Variants in FGF14 observed in about 807,000 individuals in gnomAD.
The protein encoded by FGF14 is fibroblast growth factor homologous factor 4.
In FGF14, 5 loss-of-function variants were observed where a neutral mutation model predicts 25.5. The observed-to-expected ratio is 0.20, with a 90% CI of 0.10 to 0.41. The LOEUF is 0.41. FGF14 is among the 10% of genes least tolerant of loss of function. The pLI, the probability that FGF14 is intolerant of heterozygous loss-of-function variation, is 1.00. For missense variants in FGF14, 222 were observed against 320.1 expected (o/e 0.69, Z 2.34); for synonymous variants, 138 against 118.3 (o/e 1.17, Z -1.08).
intron 3 of FGF14, among the ~76,000 whole-genome samples, chr13:101,860,118 T>C (rs1342609434): frequency 6.6e-6 from 1 of 152,092 alleles, no homozygotes; most frequent in Non-Finnish European, 1.5e-5. Context: ...GAGCTTTACG[T>C]GGTGCAGACT....
chr13:101,872,258 G>T (rs115888917), intron 2 of FGF14, among the ~76,000 whole-genome samples: 5,247 of 150,408 alleles, frequency 0.035, 327 homozygotes, highest in African/African-American at 0.12. Flanking sequence ...CATAAAAAAT[G>T]GAAACATGTT....
chr13:102,365,376 C>T (rs926828281), intron 1 of FGF14, among the ~76,000 whole-genome samples: 2 of 152,038 alleles, frequency 1.3e-5, no homozygotes, highest in African/African-American at 4.8e-5. Context: ...GCTTTATCCT[C>T]GACTAACTAT....
At chr13:102,322,526 A>G (rs2056283982) in intron 1 of FGF14, among the ~76,000 whole-genome samples, 1 of 152,134 alleles carries the variant, frequency 6.6e-6, no homozygotes, top group Admixed American at 6.6e-5. Flanking sequence ...GACTCCTAAG[A>G]TGCACATAAT....
In FGF14 at chr13:101,735,329, A is replaced by T. The variant is rs552591402; in HGVS notation, c.409-8519T>A. ...AATCACTCATTCAACTAGACATAGAAAATATGTATTTTATGCTGCTGATTT... is the reference window on the plus strand; with the variant it reads ...AATCACTCATTCAACTAGACATAGATAATATGTATTTTATGCTGCTGATTT... On this transcript the variant is annotated intron_variant, in intron 3 of 4. Transcript: ENST00000376143. 2.0e-5 allele frequency among the ~76,000 whole-genome samples: 3 copies of T among 152,282 alleles called. No individual in the cohort carries two copies. The South Asian group carries it at 6.2e-4, about 32-fold the overall frequency.
intron 1 of FGF14, among the ~76,000 whole-genome samples, chr13:102,248,485 A>G (rs1452571306): frequency 6.6e-6 from 1 of 152,106 alleles, no homozygotes; most frequent in Non-Finnish European, 1.5e-5. Flanking sequence ...TTCCAGTAAG[A>G]GCAGAGGGGT....
At chr13:102,087,403 ATTTCTTT>A (rs1249874898) in intron 1 of FGF14, among the ~76,000 whole-genome samples, 11 of 80,522 alleles carry the variant, frequency 1.4e-4, no homozygotes, top group African/African-American at 4.9e-4. Flanking sequence ...ATAGACTGTA[ATTTCTTT>A]TTTTTTTTTT....
At chr13:102,233,652 A>T (rs1264890269) in intron 1 of FGF14, among the ~76,000 whole-genome samples, 1 of 151,866 alleles carries the variant, frequency 6.6e-6, no homozygotes, top group Non-Finnish European at 1.5e-5. Context: ...GAAACACGTG[A>T]CTCCCCATAG....
At chr13:101,820,991 A>G (rs1480637473) in intron 3 of FGF14, among the ~76,000 whole-genome samples, 1 of 145,316 alleles carries the variant, frequency 6.9e-6, no homozygotes, top group African/African-American at 2.5e-5. Context: ...GCTGTCGCCC[A>G]GGCTGGAGTG....
rs1228022005 is a variant in FGF14 at position 101,875,235 on chromosome 13, C to A, written c.255G>T (p.Met85Ile). Reference protein sequence around the residue: ...LYCRQGYYLQMHPDGALDGTK... With the variant: ...LYCRQGYYLQIHPDGALDGTK... ...TTCCATCGAGAGCTCCATCGGGGTG[C>A]ATTTGCAAGTAGTAGCCTTGCCTGC... Residue 85 changes from methionine (M) to isoleucine (I), a missense_variant, in exon 2 of 5, where the codon ATG (methionine) becomes ATT (isoleucine). This residue lies in a region of FGF14 where 50 missense variants were observed against 75.2 expected (regional missense o/e 0.66). Transcript: ENST00000376143. 1.9e-6 allele frequency: 3 copies of A among 1,613,480 alleles called. No homozygotes were observed. The East Asian group carries it at 6.7e-5, about 36-fold the overall frequency.
At chr13:102,238,291 C>A (rs1367743804) in intron 1 of FGF14, among the ~76,000 whole-genome samples, 1 of 152,146 alleles carries the variant, frequency 6.6e-6, no homozygotes, top group Non-Finnish European at 1.5e-5. Flanking sequence ...AAACAGGTTG[C>A]AACTACTTTT....
At chr13:101,875,844 G>C (rs2045359393) in intron 1 of FGF14, among the ~76,000 whole-genome samples, 1 of 152,128 alleles carries the variant, frequency 6.6e-6, no homozygotes, top group Admixed American at 6.6e-5. Context: ...CTGGATGTGT[G>C]AAGGGTCATT....
intron 3 of FGF14, among the ~76,000 whole-genome samples, chr13:101,828,920 T>G (rs552357832): frequency 2.0e-5 from 3 of 152,220 alleles, no homozygotes; most frequent in East Asian, 3.9e-4. Flanking sequence ...CACTAGAAAC[T>G]CATTACCAAT....
intron 1 of FGF14, among the ~76,000 whole-genome samples, chr13:102,295,671 A>T (rs1481778660): frequency 1.3e-5 from 2 of 152,206 alleles, no homozygotes; most frequent in East Asian, 3.9e-4. Flanking sequence ...TCCAAGTCTT[A>T]GGATTTTCTC....
chr13:102,015,846 A>T, intron 1 of FGF14, among the ~76,000 whole-genome samples: 1 of 152,216 alleles, frequency 6.6e-6, no homozygotes, highest in East Asian at 1.9e-4. Context: ...CCCTGGATAT[A>T]GTCTTAGTTA....
At chr13:101,931,826 C>G (rs752135) in intron 1 of FGF14, among the ~76,000 whole-genome samples, 66,139 of 152,084 alleles carry the variant, frequency 0.43, 18,343 homozygotes, top group African/African-American at 0.76. Flanking sequence ...TTTTAAACTT[C>G]CTACATGTCA....
chr13:101,761,309 A>AT (rs2038011986), intron 3 of FGF14, among the ~76,000 whole-genome samples: 1 of 152,244 alleles, frequency 6.6e-6, no homozygotes, highest in South Asian at 2.1e-4. Context: ...AAAATGAGAC[A>AT]TAATGACACA....
At chr13:102,278,333 C>T (rs1322308169) in intron 1 of FGF14, among the ~76,000 whole-genome samples, 1 of 152,160 alleles carries the variant, frequency 6.6e-6, no homozygotes, top group East Asian at 1.9e-4. Flanking sequence ...TTGCCCTTCA[C>T]AGAGGAAGCA....
intron 3 of FGF14, among the ~76,000 whole-genome samples, chr13:101,841,731 G>A (rs2043204108): frequency 6.6e-6 from 1 of 151,858 alleles, no homozygotes; most frequent in Admixed American, 6.6e-5. Context: ...TCTTTCTGTA[G>A]GACACACAAA....
chr13:102,233,694 A>G (rs2051190479), intron 1 of FGF14, among the ~76,000 whole-genome samples: 1 of 152,192 alleles, frequency 6.6e-6, no homozygotes, highest in East Asian at 1.9e-4. Flanking sequence ...AGAATCTTCT[A>G]TGACATCATA....
Sources: gnomAD v4.1 joint callset for allele counts (sites outside exome capture counted in the v4.1 genomes callset) on GRCh38, gnomAD v4.1.1 for gene constraint, gnomAD v4.1.1 regional missense constraint, MANE v1.5 for transcripts, NCBI Gene and HGNC (gene_info 2026-07-23, HGNC 2026-07-21) for gene names.